LOC101059915: variants seen among roughly 807,000 people sequenced by gnomAD.
chrX:71,667,750 T>C, the LOC101059915 span: 5 of 998,575 alleles, frequency 5.0e-6, no homozygotes, highest in Non-Finnish European at 5.0e-6. Context: ...CCTCTCCCAC[T>C]GTTACCAGGA....
At chrX:71,670,607 G>C in the LOC101059915 span, 3 of 1,101,266 alleles carry the variant, frequency 2.7e-6, no homozygotes, top group Non-Finnish European at 3.5e-6. Context: ...TGTCTCCTGG[G>C]CTAGTGCATC....
chrX:71,667,628 G>A, the LOC101059915 span: 2 of 362,973 alleles, frequency 5.5e-6, no homozygotes, highest in Admixed American at 1.2e-4. Context: ...TGTCCCAAAG[G>A]CCTTGCTGTT....
the LOC101059915 span, chrX:71,669,834 G>A: frequency 7.9e-4 from 567 of 714,171 alleles, 5 homozygotes; most frequent in African/African-American, 0.012. Context: ...CCAGGCAGCT[G>A]TCCCACAGGA....
chrX:71,668,074 C>G, the LOC101059915 span: 13 of 1,153,430 alleles, frequency 1.1e-5, no homozygotes, highest in Non-Finnish European at 1.3e-5. Context: ...GCCTGGCACC[C>G]CGGTCGACGA....
chrX:71,670,556 G>C, the LOC101059915 span: 1 of 1,094,461 alleles, frequency 9.1e-7, no homozygotes, highest in Non-Finnish European at 1.2e-6. Flanking sequence ...AGAACGGGGA[G>C]AAAGGAAGCC....
chrX:71,667,733 C>T, the LOC101059915 span: 7 of 960,408 alleles, frequency 7.3e-6, no homozygotes, highest in African/African-American at 4.1e-5. Flanking sequence ...TGGCTGGGCT[C>T]GGCTCTCCTC....
At chrX:71,670,748 T>C in the LOC101059915 span, 1 of 1,082,256 alleles carries the variant, frequency 9.2e-7, no homozygotes, top group Non-Finnish European at 1.2e-6. Flanking sequence ...ATAGGTGGTG[T>C]CACTGGGACT....
the LOC101059915 span, chrX:71,669,847 T>C: frequency 1.5e-6 from 1 of 645,334 alleles, no homozygotes; most frequent in Non-Finnish European, 2.1e-6. Context: ...CCACAGGAAA[T>C]GGGGTGTCGA....
chrX:71,668,198 C>T, the LOC101059915 span: 326 of 1,120,382 alleles, frequency 2.9e-4, no homozygotes, highest in Non-Finnish European at 3.7e-4. Context: ...GCCAAAGGGT[C>T]CACTGACATC....
chrX:71,670,001 C>T, the LOC101059915 span, among the ~76,000 whole-genome samples: 2 of 112,649 alleles, frequency 1.8e-5, no homozygotes, highest in East Asian at 2.8e-4. Flanking sequence ...CTCAGCCATA[C>T]CGGCCCTCCC....
chrX:71,668,690 G>A, the LOC101059915 span: 1 of 1,077,818 alleles, frequency 9.3e-7, no homozygotes, highest in African/African-American at 1.9e-5. Context: ...ATGGTGTGGG[G>A]AAAGAGGGGG....
chrX:71,669,146 C>T, the LOC101059915 span: 4 of 971,151 alleles, frequency 4.1e-6, no homozygotes, highest in Non-Finnish European at 1.4e-6. Flanking sequence ...CGCCTCTTTG[C>T]CCATGCCCTC....
chrX:71,669,581 TG>T, the LOC101059915 span: 1 of 961,562 alleles, frequency 1.0e-6, no homozygotes, highest in Non-Finnish European at 1.3e-6. Context: ...AAGCCAGAGC[TG>T]ATTTCTCTGT....
the LOC101059915 span, chrX:71,668,283 T>C: frequency 8.8e-7 from 1 of 1,132,822 alleles, no homozygotes; most frequent in Non-Finnish European, 1.2e-6. Flanking sequence ...AGCAGGCCTC[T>C]GCCGGCCCTC....
At chrX:71,668,478 C>T in the LOC101059915 span, 1 of 1,154,853 alleles carries the variant, frequency 8.7e-7, no homozygotes. Context: ...TGATCATTAG[C>T]ACCAAAGAAG....
chrX:71,668,242 GGT>G, the LOC101059915 span: 19 of 1,120,701 alleles, frequency 1.7e-5, no homozygotes, highest in East Asian at 4.6e-4. Context: ...CAGTTGGAGA[GGT>G]GCGCTGAGCC....
the LOC101059915 span, chrX:71,667,761 C>G: frequency 9.8e-7 from 1 of 1,016,327 alleles, no homozygotes; most frequent in South Asian, 3.5e-5. Context: ...GTTACCAGGA[C>G]GACTGTCTCC....
chrX:71,669,485 T>G, the LOC101059915 span: 1 of 888,035 alleles, frequency 1.1e-6, no homozygotes, highest in South Asian at 6.2e-5. Context: ...GGTCTCCACC[T>G]TAACACAACC....
the LOC101059915 span, chrX:71,670,626 G>T: frequency 1.8e-6 from 2 of 1,105,523 alleles, no homozygotes; most frequent in Non-Finnish European, 2.4e-6. Flanking sequence ...TCTTGCTGCA[G>T]AGGGAAATTG....
Sources: allele counts gnomAD v4.1 joint callset (sites outside exome capture counted in the v4.1 genomes callset), GRCh38; gene constraint gnomAD v4.1.1; transcripts MANE v1.5.